Variants in SATL1 observed in about 807,000 individuals in gnomAD.
The protein encoded by SATL1 is spermidine/spermine N(1)-acetyltransferase-like protein 1.
Under a neutral mutation model 51.8 loss-of-function variants are expected in SATL1, and 47 were observed. The ratio of observed to expected loss-of-function variants is 0.91; its 90% CI spans 0.72 to 1.16. SATL1 has a LOEUF of 1.16. Among genes scored for constraint, SATL1 ranks in the 50% most tolerant of loss-of-function variants. The pLI is 0.00. For synonymous variants in SATL1, 176 were observed against 182.4 expected (o/e 0.97, Z 0.28); for missense variants, 520 against 526.4 (o/e 0.99, Z 0.12).
intron 4 of SATL1, among the ~76,000 whole-genome samples, chrX:85,102,177 C>T (rs1044897452): frequency 3.0e-4 from 33 of 109,474 alleles, no homozygotes; most frequent in Non-Finnish European, 4.2e-4. Context: ...TGGTGTACTG[C>T]ACCCATTAAC....
At chrX:85,205,502 G>T (rs887143454) in intron 2 of SATL1, among the ~76,000 whole-genome samples, 2 of 111,965 alleles carry the variant, frequency 1.8e-5, no homozygotes, top group African/African-American at 6.5e-5. Flanking sequence ...GGAAAAGTTA[G>T]GCAAGAGTTT....
At chrX:85,185,363 C>T (rs1927291332) in intron 2 of SATL1, among the ~76,000 whole-genome samples, 1 of 112,700 alleles carries the variant, frequency 8.9e-6, no homozygotes, top group Non-Finnish European at 1.9e-5. Context: ...ACCTACGGCT[C>T]TACAATTAGC....
At chrX:85,174,116 T>C (rs1460950349) in intron 2 of SATL1, among the ~76,000 whole-genome samples, 2 of 110,156 alleles carry the variant, frequency 1.8e-5, no homozygotes, top group Non-Finnish European at 3.8e-5. Context: ...TCCTTTTTTA[T>C]GGCTGCATAG....
chrX:85,149,983 A>G (rs1199171360), intron 2 of SATL1, among the ~76,000 whole-genome samples: 1 of 112,003 alleles, frequency 8.9e-6, no homozygotes, highest in Non-Finnish European at 1.9e-5. Context: ...ACTGAAAGAA[A>G]TAGAAATACA....
At chrX:85,194,447 T>TACTACTAA (rs1416942501) in intron 2 of SATL1, among the ~76,000 whole-genome samples, 1 of 110,517 alleles carries the variant, frequency 9.0e-6, no homozygotes, top group Non-Finnish European at 1.9e-5. Context: ...GTAACAGAGG[T>TACTACTAA]GAAAAAAATA....
At chrX:85,131,175 G>T (rs1015261223) in intron 2 of SATL1, among the ~76,000 whole-genome samples, 1 of 111,645 alleles carries the variant, frequency 9.0e-6, no homozygotes, top group Non-Finnish European at 1.9e-5. Context: ...GCTTGGTGCA[G>T]AGCTGAGTTC....
chrX:85,160,011 C>A (rs773137321), intron 2 of SATL1, among the ~76,000 whole-genome samples: 3 of 97,058 alleles, frequency 3.1e-5, no homozygotes, highest in Non-Finnish European at 6.3e-5. Context: ...AGCCAGAAAA[C>A]AAAGTCGGGG....
At chrX:85,220,079 G>T (rs1374226415) in intron 2 of SATL1, among the ~76,000 whole-genome samples, 1 of 110,001 alleles carries the variant, frequency 9.1e-6, no homozygotes, top group Non-Finnish European at 1.9e-5. Context: ...GTGGAGTGGA[G>T]CATCTCTGGG....
At chrX:85,214,493 C>T (rs761512107) in intron 2 of SATL1, among the ~76,000 whole-genome samples, 2 of 111,330 alleles carry the variant, frequency 1.8e-5, no homozygotes, top group East Asian at 2.8e-4. Flanking sequence ...AATATCCAAA[C>T]TATAGCATTC....
intron 2 of SATL1, among the ~76,000 whole-genome samples, chrX:85,179,518 C>T (rs1927156421): frequency 9.0e-6 from 1 of 111,206 alleles, no homozygotes; most frequent in Admixed American, 9.6e-5. Context: ...TATTGAATCA[C>T]AGTAATCGAG....
chrX:85,239,360 A>T (rs1280304104), intron 1 of SATL1, among the ~76,000 whole-genome samples: 1 of 111,477 alleles, frequency 9.0e-6, no homozygotes, highest in Admixed American at 9.5e-5. Flanking sequence ...ACACTGATGA[A>T]ACATATCCAA....
At chrX:85,178,243 T>C (rs747563163) in intron 2 of SATL1, among the ~76,000 whole-genome samples, 2 of 111,021 alleles carry the variant, frequency 1.8e-5, no homozygotes, top group African/African-American at 6.5e-5. Flanking sequence ...CAGATCCCTA[T>C]GTAGATTATC....
chrX:85,113,022 G>A (rs1444910335), intron 2 of SATL1, among the ~76,000 whole-genome samples: 1 of 111,154 alleles, frequency 9.0e-6, no homozygotes, highest in Non-Finnish European at 1.9e-5. Flanking sequence ...CTGACAGCGC[G>A]GGGCTGGTGG....
intron 6 of SATL1, among the ~76,000 whole-genome samples, chrX:85,093,584 C>T (rs1924594598): frequency 8.9e-6 from 1 of 112,476 alleles, no homozygotes; most frequent in Non-Finnish European, 1.9e-5. Flanking sequence ...ATGGCTCACA[C>T]ATGTGATGGC....
chrX:85,206,900 A>G (rs1021924069), intron 2 of SATL1, among the ~76,000 whole-genome samples: 25 of 111,491 alleles, frequency 2.2e-4, no homozygotes, highest in African/African-American at 8.1e-4. Flanking sequence ...CTTTTATACA[A>G]GCAGAGAAAG....
chrX:85,140,991 G>C (rs1470742609), intron 2 of SATL1, among the ~76,000 whole-genome samples: 1 of 111,586 alleles, frequency 9.0e-6, no homozygotes, highest in African/African-American at 3.3e-5. Flanking sequence ...AGGTTATCAA[G>C]GACCCTATTT....
At chrX:85,133,800 G>A (rs1197033402) in intron 2 of SATL1, among the ~76,000 whole-genome samples, 1 of 111,464 alleles carries the variant, frequency 9.0e-6, no homozygotes, top group Non-Finnish European at 1.9e-5. Context: ...CCTCTGAAGT[G>A]AATTATTTTA....
At chrX:85,165,937 C>G (rs1182279548) in intron 2 of SATL1, among the ~76,000 whole-genome samples, 1 of 111,425 alleles carries the variant, frequency 9.0e-6, no homozygotes, top group Non-Finnish European at 1.9e-5. Flanking sequence ...GCAAGTAGAT[C>G]AATGGAACAG....
chrX:85,154,984 C>T (rs1331571538), intron 2 of SATL1, among the ~76,000 whole-genome samples: 1 of 111,190 alleles, frequency 9.0e-6, no homozygotes, highest in Non-Finnish European at 1.9e-5. Context: ...GAAGAATGGG[C>T]TTATAAATTG....
Sources: allele counts gnomAD v4.1 joint callset (sites outside exome capture counted in the v4.1 genomes callset), GRCh38; gene constraint gnomAD v4.1.1; transcripts MANE v1.5; gene names NCBI Gene and HGNC (gene_info 2026-07-23, HGNC 2026-07-21).